Variants in CHST11 observed in about 807,000 individuals in gnomAD.
CHST11 encodes carbohydrate sulfotransferase 11.
In CHST11, 9 loss-of-function variants were observed where a neutral mutation model predicts 30.4. The ratio of observed to expected loss-of-function variants is 0.30; its 90% CI spans 0.18 to 0.52. The LOEUF (loss-of-function observed/expected upper bound fraction) is 0.52, where lower values mean the gene tolerates loss of function less well. CHST11 is among the 20% of genes least tolerant of loss of function. The probability of loss-of-function intolerance (pLI) is 0.97; values close to 1 mark genes in which losing one functional copy is unlikely to be tolerated. For missense variants in CHST11, 348 were observed against 460.6 expected, an observed-to-expected ratio of 0.76 and a Z score of 2.24; for synonymous variants, 152 against 187.8, an observed-to-expected ratio of 0.81 and a Z score of 1.56.
At chr12:104,589,211 G>A (rs1485876221) in intron 1 of CHST11, among the ~76,000 whole-genome samples, 2 of 151,836 alleles carry the variant, frequency 1.3e-5, no homozygotes, top group Admixed American at 6.6e-5. Flanking sequence ...GCAAGCCTGG[G>A]CAACATGGCG....
chr12:104,525,123 A>G (rs1298581017), intron 1 of CHST11, among the ~76,000 whole-genome samples: 1 of 142,666 alleles, frequency 7.0e-6, no homozygotes, highest in Non-Finnish European at 1.5e-5. Context: ...TTTTTTTTTT[A>G]AGAGACAGTC....
chr12:104,671,380 C>T (rs990286727), intron 2 of CHST11, among the ~76,000 whole-genome samples: 6 of 152,120 alleles, frequency 3.9e-5, no homozygotes, highest in Non-Finnish European at 8.8e-5. Context: ...AGAGTGGGGT[C>T]AGTATTTGCC....
intron 2 of CHST11, among the ~76,000 whole-genome samples, chr12:104,742,903 T>G (rs1182194575): frequency 6.6e-6 from 1 of 152,236 alleles, no homozygotes; most frequent in Non-Finnish European, 1.5e-5. Context: ...GTCCCCGCTC[T>G]TCTCTCTTGG....
intron 1 of CHST11, among the ~76,000 whole-genome samples, chr12:104,473,811 T>C (rs1326812751): frequency 6.6e-6 from 1 of 152,072 alleles, no homozygotes; most frequent in Non-Finnish European, 1.5e-5. Context: ...TCTGCTAGAC[T>C]GTAGCACTTG....
At chr12:104,732,032 G>T (rs753181154) in intron 2 of CHST11, among the ~76,000 whole-genome samples, 1 of 152,244 alleles carries the variant, frequency 6.6e-6, no homozygotes, top group Non-Finnish European at 1.5e-5. Context: ...CTGTCCTAGG[G>T]CAGGAGAAAC....
At position 104,761,502 on chromosome 12, in the gene CHST11, A is replaced by ACACACACACACACACACACACACAC. The variant is rs2040526125; in HGVS notation, c.*3699_*3700insCACACACACACACACACACACACAC. ...ACACACACACACACACACACACACA[A>ACACACACACACACACACACACACAC]TCTCAGCTGCGCCATTCTGTGCAAT... is the stretch of plus-strand genomic sequence containing the variant. On this transcript the variant is annotated 3_prime_UTR_variant, in exon 3 of 3. Transcript: ENST00000303694. 1.0e-5 allele frequency: 1 copy of ACACACACACACACACACACACACAC among 96,202 alleles called. No individual in the cohort carries two copies. The highest frequency in any genetic ancestry group is 6.6e-5 in the African/African-American group (1 of 15,094). 6.0% of individuals were successfully genotyped at this position (96,202 alleles called of 1,614,324 possible).
At chr12:104,671,298 G>A (rs1432180996) in intron 2 of CHST11, among the ~76,000 whole-genome samples, 4 of 152,224 alleles carry the variant, frequency 2.6e-5, no homozygotes, top group African/African-American at 9.6e-5. Context: ...AAAGCCTGGA[G>A]CAGGGCTGCT....
chr12:104,695,661 G>A (rs2039937304), intron 2 of CHST11, among the ~76,000 whole-genome samples: 1 of 152,180 alleles, frequency 6.6e-6, no homozygotes, highest in African/African-American at 2.4e-5. Context: ...CACCCAGCAT[G>A]TGCCTTAGCT....
chr12:104,528,154 C>T (rs1004378376), intron 1 of CHST11, among the ~76,000 whole-genome samples: 5 of 152,100 alleles, frequency 3.3e-5, no homozygotes, highest in African/African-American at 9.7e-5. Flanking sequence ...TGGTTATGTC[C>T]GTGATAACAC....
chr12:104,756,532 G>GTGT (rs1555250377), intron 2 of CHST11, among the ~76,000 whole-genome samples: 15 of 143,398 alleles, frequency 1.0e-4, no homozygotes, highest in East Asian at 8.3e-4. Flanking sequence ...ATCCATGTGG[G>GTGT]GTGTGTGTGT....
Position 104,596,862 on chromosome 12 carries a change from C to G in CHST11, c.119-5044C>G, listed in dbSNP as rs115772058. Among the ~76,000 whole-genome samples the G allele has an allele frequency of 7.8e-3, 1,182 of 152,266 alleles. 12 individuals carry two copies. The highest frequency in any genetic ancestry group is 0.028 in the African/African-American group (1,153 of 41,544). On this transcript the variant is annotated intron_variant, in intron 1 of 2. Coordinates refer to ENST00000303694, the MANE Select transcript of CHST11 (RefSeq NM_018413.6). ...GGCAGTTCAGGCAAGCATGTAAGGTCTCCGAGTTTCTTCTGTAAATCGAGG... is the reference window on the plus strand; with the variant it reads ...GGCAGTTCAGGCAAGCATGTAAGGTGTCCGAGTTTCTTCTGTAAATCGAGG...
chr12:104,743,810 T>C (rs1299786421), intron 2 of CHST11, among the ~76,000 whole-genome samples: 1 of 152,118 alleles, frequency 6.6e-6, no homozygotes, highest in East Asian at 1.9e-4. Flanking sequence ...CCCCTCTGTG[T>C]CCATGTGTTC....
At chr12:104,616,375 G>A (rs1034643403) in intron 2 of CHST11, among the ~76,000 whole-genome samples, 3 of 152,012 alleles carry the variant, frequency 2.0e-5, no homozygotes, top group Non-Finnish European at 4.4e-5. Context: ...CCTACTCAAA[G>A]ACAGATCCAG....
chr12:104,626,062 TCA>T (rs1312920045), intron 2 of CHST11, among the ~76,000 whole-genome samples: 7 of 152,164 alleles, frequency 4.6e-5, no homozygotes, highest in Non-Finnish European at 7.3e-5. Flanking sequence ...TCTTCCACAC[TCA>T]CACAGGGGGA....
At chr12:104,692,366 C>T (rs2039904079) in intron 2 of CHST11, among the ~76,000 whole-genome samples, 2 of 152,172 alleles carry the variant, frequency 1.3e-5, no homozygotes, top group African/African-American at 2.4e-5. Context: ...AGGGATTTGG[C>T]GTGACCGGCA....
At chr12:104,520,908 T>C (rs1390783434) in intron 1 of CHST11, among the ~76,000 whole-genome samples, 2 of 152,232 alleles carry the variant, frequency 1.3e-5, no homozygotes, top group South Asian at 4.1e-4. Flanking sequence ...CTGTCTGATA[T>C]TCCTTTGGAA....
At chr12:104,692,891 CA>C (rs943045903) in intron 2 of CHST11, among the ~76,000 whole-genome samples, 13 of 14,876 alleles carry the variant, frequency 8.7e-4, no homozygotes, top group East Asian at 2.9e-3. Flanking sequence ...AAAAAAAAAA[CA>C]AAAAAAAAAC....
At chr12:104,574,912 C>T (rs1282552719) in intron 1 of CHST11, among the ~76,000 whole-genome samples, 1 of 151,780 alleles carries the variant, frequency 6.6e-6, no homozygotes, top group Non-Finnish European at 1.5e-5. Flanking sequence ...ACTGTAGAGG[C>T]CGGGCGTGGT....
chr12:104,579,801 T>C (rs1024903321), intron 1 of CHST11, among the ~76,000 whole-genome samples: 2 of 152,222 alleles, frequency 1.3e-5, no homozygotes, highest in African/African-American at 4.8e-5. Flanking sequence ...GGAAGGTAAT[T>C]TGAATAACTG....
Sources: gnomAD v4.1 joint callset for allele counts (sites outside exome capture counted in the v4.1 genomes callset) on GRCh38, gnomAD v4.1.1 for gene constraint, MANE v1.5 for transcripts, NCBI Gene and HGNC (gene_info 2026-07-23, HGNC 2026-07-21) for gene names.